Variants in MYO7B observed in about 807,000 individuals in gnomAD.
MYO7B encodes myosin VIIB.
In MYO7B, 212 loss-of-function variants were observed where a neutral mutation model predicts 259.7. The ratio of observed to expected loss-of-function variants is 0.82; its 90% CI spans 0.73 to 0.91. The LOEUF (loss-of-function observed/expected upper bound fraction) is 0.91, where lower values mean the gene tolerates loss of function less well. Ranked by LOEUF, MYO7B falls within the 40% of genes least tolerant of loss-of-function variation. MYO7B has a pLI of 0.00. For missense variants in MYO7B, 2,732 were observed against 2,813.5 expected, an observed-to-expected ratio of 0.97 and a Z score of 0.66; for synonymous variants, 1,197 against 1,166.4, an observed-to-expected ratio of 1.03 and a Z score of -0.54.
intron 19 of MYO7B, among the ~76,000 whole-genome samples, chr2:127,598,899 T>C (rs559760010): frequency 1.8e-4 from 27 of 152,344 alleles, no homozygotes; most frequent in Non-Finnish European, 3.7e-4. Context: ...TCTGTTTCTA[T>C]GTTCTCTATC....
intron 42 of MYO7B, 154 bp from the exon 43 acceptor site, chr2:127,634,959 CCTCTACA>C (rs1573730629): frequency 8.9e-6 from 6 of 671,476 alleles, no homozygotes; most frequent in Non-Finnish European, 1.6e-5. Context: ...GAGAAGGCAG[CCTCTACA>C]CTAATATTGA....
Position 127,566,703 on chromosome 2 carries a change from C to G in MYO7B, c.346C>G (p.Leu116Val). The G allele has an allele frequency of 6.2e-7, 1 of 1,610,688 alleles. No homozygotes were observed. Among genetic ancestry groups the G allele is most frequent in the South Asian group, 1.1e-5 (1 of 90,670 alleles). ...GTTCCAGGTGCTGCCGCTCTACACC[C>G]TGGAGCAGGTACAGCTCTACTACAG... ...NPFQVLPLYT[L>V]EQVQLYYSRH... Residue 116 changes from leucine (L) to valine (V), a missense_variant, in exon 5 of 48, where the codon CTG becomes GTG. Leu to Val is a conservative substitution (Grantham distance 32). This residue lies in a region of MYO7B where 1,906 missense variants were observed against 2,026.4 expected (regional missense o/e 0.94). Transcript: ENST00000409816.
intron 9 of MYO7B, among the ~76,000 whole-genome samples, chr2:127,580,075 C>T (rs781490281): frequency 9.9e-5 from 15 of 152,178 alleles, no homozygotes; most frequent in Non-Finnish European, 1.8e-4. Context: ...AGCGTGGTTA[C>T]GTGGTGCTGA....
Position 127,636,115 on chromosome 2 carries a change from C to T in MYO7B, c.6007-93C>T, listed in dbSNP as rs549244776. 1.6e-4 allele frequency: 192 copies of T among 1,171,200 alleles called. 1 individual carries two copies. Among genetic ancestry groups the T allele is most frequent in the South Asian group, 7.7e-4 (55 of 71,628 alleles). The allele number at this position is 1,171,200 out of a possible 1,614,324, so 72.6% of individuals were successfully genotyped here. A position where few individuals can be genotyped will look rare whatever the true frequency, so the allele number is the denominator to read the frequency against. On this transcript the variant is annotated intron_variant, in intron 44 of 47. Coordinates refer to ENST00000409816, the MANE Select transcript of MYO7B (RefSeq NM_001393586.1). This position sits in a 1 kb window ranked among gnomAD's most constrained non-coding sequence, Gnocchi z 4.5. ...TGCATTCCTCCCCTCCCCTCCCCAC[C>T]GTACTAGCCCTGGGGTAGGCAGGTG...
chr2:127,536,973 G>A (rs1302479018), intron 1 of MYO7B, among the ~76,000 whole-genome samples: 1 of 152,148 alleles, frequency 6.6e-6, no homozygotes, highest in East Asian at 1.9e-4. Flanking sequence ...CCACAGGGAT[G>A]ACCTATATGT....
intron 39 of MYO7B, 121 bp from the exon 40 acceptor site, chr2:127,633,137 A>G: frequency 1.3e-6 from 1 of 753,360 alleles, no homozygotes; most frequent in Non-Finnish European, 2.2e-6. Context: ...GAACCACCCC[A>G]GTGATGGTCA....
Position 127,588,561 on chromosome 2 carries a change from C to T in MYO7B, c.1854+6C>T. 1 of 1,612,802 alleles carries T rather than the reference C, an allele frequency of 6.2e-7. No individual in the cohort carries two copies. Among genetic ancestry groups the T allele is most frequent in the Non-Finnish European group, 8.5e-7 (1 of 1,179,748 alleles). On this transcript the variant is annotated splice_donor_region_variant and intron_variant, in intron 15 of 47. Coordinates refer to ENST00000409816, the MANE Select transcript of MYO7B (RefSeq NM_001393586.1). ...CAGGAAACCATCTCTTCAAGGTGGG[C>T]TCCCAGGCACCCTCCTGGGTCTGTC... is the stretch of plus-strand genomic sequence containing the variant.
Position 127,611,059 on chromosome 2 carries a change from C to A in MYO7B, c.3192+1043C>A, listed in dbSNP as rs574377042. On this transcript the variant is annotated intron_variant, in intron 24 of 47. Coordinates refer to ENST00000409816, the MANE Select transcript of MYO7B (RefSeq NM_001393586.1). This position sits in a 1 kb window ranked among gnomAD's most constrained non-coding sequence, Gnocchi z 5.4. ...CATGAGGTTGCTGTCAAGCTGTCCCCTGGGGATGGTGTCATCTGAAAGCTT... is the reference window on the plus strand; with the variant it reads ...CATGAGGTTGCTGTCAAGCTGTCCCATGGGGATGGTGTCATCTGAAAGCTT... Among the ~76,000 whole-genome samples the A allele has an allele frequency of 2.6e-5, 4 of 152,342 alleles. No homozygotes were observed. The South Asian group carries it at 6.2e-4, about 24-fold the overall frequency.
At position 127,569,779 on chromosome 2, in the gene MYO7B, C is replaced by T; in HGVS notation, c.471-10C>T. The T allele has an allele frequency of 6.2e-7, 1 of 1,608,708 alleles. No homozygotes were observed. Among genetic ancestry groups the T allele is most frequent in the Non-Finnish European group, 8.5e-7 (1 of 1,176,376 alleles). The stretch of plus-strand genomic sequence containing the variant: ...TTGTGGCATCATGTCCCTGCACACC[C>T]TTTTTGCAGCGGCGAGTCTGGGGCT... On this transcript the variant is annotated splice_polypyrimidine_tract_variant and intron_variant, in intron 5 of 47. Transcript: ENST00000409816.
At chr2:127,566,618 C>A in intron 4 of MYO7B, 25 bp from the exon 5 acceptor site, 1 of 1,541,854 alleles carries the variant, frequency 6.5e-7, no homozygotes. Flanking sequence ...GGGCAGAGGG[C>A]ACTGACCACC....
At chr2:127,550,536 C>G (rs143396159) in intron 1 of MYO7B, among the ~76,000 whole-genome samples, 3 of 143,306 alleles carry the variant, frequency 2.1e-5, no homozygotes, top group African/African-American at 7.9e-5. Context: ...CTAGCCTGGG[C>G]AACAGATTAA....
chr2:127,634,695 T>C lies in MYO7B; in HGVS notation c.5713+12T>C. 1.2e-6 allele frequency: 2 copies of C among 1,600,832 alleles called. No individual in the cohort carries two copies. Among genetic ancestry groups the C allele is most frequent in the Non-Finnish European group, 1.7e-6 (2 of 1,175,180 alleles). On this transcript the variant is annotated intron_variant, in intron 42 of 47. Transcript: ENST00000409816. ...GCCCCAGAAAGAAGGTGAGGAGGCC[T>C]CTGTGGAGCTGGGGGAGGGCGTGGC...
rs201547981 is a variant in MYO7B at position 127,631,030 on chromosome 2, C to CCA, written c.4937+124_4937+125dup. ...GCACCCACTGAGAGCTGCAGAGAGG[C>CCA]CACGCCACCCATGTGGAGCCTGCCT... On this transcript the variant is annotated intron_variant, in intron 36 of 47. Coordinates refer to ENST00000409816, the MANE Select transcript of MYO7B (RefSeq NM_001393586.1). 6.1e-4 allele frequency: 831 copies of CCA among 1,371,754 alleles called. 18 individuals are homozygous for CCA. In the East Asian group the frequency reaches 0.021, roughly 34 times the overall value. The allele number at this position is 1,371,754 out of a possible 1,614,324, so 85.0% of individuals were successfully genotyped here.
In MYO7B at chr2:127,586,804, T is replaced by C. The variant is rs1679323559; in HGVS notation, c.1691-1588T>C. Among the ~76,000 whole-genome samples, 1 of 152,188 alleles carries C rather than the reference T, an allele frequency of 6.6e-6. No homozygotes were observed. The highest frequency in any genetic ancestry group is 6.5e-5 in the Admixed American group (1 of 15,278). ...CTGTGCTGATGACCTCAGCTTTACT[T>C]ACTCTGCCTGTTGGGAGACTGAACC... On this transcript the variant is annotated intron_variant, in intron 14 of 47. Coordinates refer to ENST00000409816, the MANE Select transcript of MYO7B (RefSeq NM_001393586.1). This position sits in a 1 kb window ranked among gnomAD's most constrained non-coding sequence, Gnocchi z 4.8.
rs7577514 is a variant in MYO7B, at chr2:127,580,628, G to A, written c.1004-118G>A. ...GACACTGGGAGAGACCGTGGCTTAC[G>A]CCAGGGCAGCTGTCCTCCTGAGTGG... On this transcript the variant is annotated intron_variant, in intron 9 of 47. Coordinates refer to ENST00000409816, the MANE Select transcript of MYO7B (RefSeq NM_001393586.1). 5,996 of 983,890 alleles carry A rather than the reference G, an allele frequency of 6.1e-3. 184 individuals carry two copies. In the African/African-American group the frequency reaches 0.073, roughly 12 times the overall value. 60.9% of individuals were successfully genotyped at this position (983,890 alleles called of 1,614,324 possible). A position where few individuals can be genotyped will look rare whatever the true frequency, so the allele number is the denominator to read the frequency against.
At chr2:127,593,231 C>T (rs1041155646) in intron 17 of MYO7B, among the ~76,000 whole-genome samples, 2 of 152,208 alleles carry the variant, frequency 1.3e-5, no homozygotes, top group Non-Finnish European at 2.9e-5. Context: ...TCTCTCCTAC[C>T]GCGTCAGGGA....
At chr2:127,543,784 A>G (rs7592490) in intron 1 of MYO7B, among the ~76,000 whole-genome samples, 130,618 of 151,172 alleles carry the variant, frequency 0.86, 56,573 homozygotes, top group East Asian at 1. Flanking sequence ...TCGCTGTGTC[A>G]CCCAGGCTGG....
chr2:127,544,566 G>A (rs892485007), intron 1 of MYO7B, among the ~76,000 whole-genome samples: 1 of 141,490 alleles, frequency 7.1e-6, no homozygotes, highest in Non-Finnish European at 1.5e-5. Flanking sequence ...GTGCCACCAC[G>A]TCTGGCTAAT....
intron 24 of MYO7B, among the ~76,000 whole-genome samples, chr2:127,610,681 C>T (rs1357395876): frequency 2.0e-5 from 3 of 152,244 alleles, no homozygotes; most frequent in Non-Finnish European, 4.4e-5. Context: ...CACTCAGTGG[C>T]CCGCCAGTGG....
Sources: gnomAD v4.1 joint callset for allele counts (sites outside exome capture counted in the v4.1 genomes callset) on GRCh38, gnomAD v4.1.1 for gene constraint, gnomAD v4.1.1 regional missense constraint, Gnocchi (gnomAD v3.1) non-coding constraint, MANE v1.5 for transcripts, NCBI Gene and HGNC (gene_info 2026-07-23, HGNC 2026-07-21) for gene names.